SMG9: variants seen among roughly 807,000 people sequenced by gnomAD.
SMG9 encodes the protein nonsense-mediated mRNA decay factor SMG9.
A neutral mutation model predicts 64.0 loss-of-function variants in SMG9; 55 were observed. That is an observed-to-expected ratio of 0.86 (90% CI 0.69 to 1.08). The LOEUF is 1.08. Among genes scored for constraint, SMG9 ranks in the 50% least tolerant of loss-of-function variants. The probability of loss-of-function intolerance (pLI) is 0.00; values close to 1 mark genes in which losing one functional copy is unlikely to be tolerated. For missense variants in SMG9, 554 were observed against 681.3 expected (o/e 0.81, Z 2.08); for synonymous variants, 244 against 254.8 (o/e 0.96, Z 0.41).
chr19:43,731,677 G>A lies in SMG9; in HGVS notation c.1485-3C>T, dbSNP rs1158210859. 4 of 1,614,098 alleles carry A rather than the reference G, an allele frequency of 2.5e-6. No individual in the cohort carries two copies. Among genetic ancestry groups the A allele is most frequent in the Middle Eastern group, 1.6e-4 (1 of 6,084 alleles). ...AGATCCGGGCAGCGTAGTGGAACCT[G>A]TGAGGAGGCCAACAGTCAGGGCTGC... is the stretch of plus-strand genomic sequence containing the variant. On this transcript the variant is annotated splice_region_variant and splice_polypyrimidine_tract_variant and intron_variant, in intron 13 of 13. Coordinates refer to ENST00000270066, the MANE Select transcript of SMG9 (RefSeq NM_019108.4).
At position 43,737,635 on chromosome 19, in the gene SMG9, A is replaced by C; in HGVS notation, c.957T>G (p.Ile319Met). 6.2e-7 allele frequency: 1 copy of C among 1,614,056 alleles called. No individual in the cohort carries two copies. Among genetic ancestry groups the C allele is most frequent in the Non-Finnish European group, 8.5e-7 (1 of 1,179,964 alleles). The change falls in exon 9 of 14, where the codon ATT becomes ATG. Residue 319 changes from isoleucine to methionine, a missense_variant. By Grantham distance (10) the Ile-to-Met change is conservative (BLOSUM62 1). Coordinates refer to ENST00000270066, the MANE Select transcript of SMG9 (RefSeq NM_019108.4). ...GGTCTGTGAACCAGTCCTGGACAAC[A>C]ATCACCACATGGCAGACCGTGAAAA... ...AFLFTVCHVV[I>M]VVQDWFTDLS...
intron 2 of SMG9, chr19:43,748,875 C>A: frequency 2.0e-6 from 1 of 504,016 alleles, no homozygotes; most frequent in Non-Finnish European, 4.0e-6. Flanking sequence ...GAAAGTGCTT[C>A]GAAAAGAAGT....
chr19:43,733,487 T>G, intron 11 of SMG9, 35 bp from the exon 12 acceptor site: 1 of 1,613,306 alleles, frequency 6.2e-7, no homozygotes, highest in Non-Finnish European at 8.5e-7. Flanking sequence ...TCAGGTACCA[T>G]GTTGTGGGTT....
intron 6 of SMG9, among the ~76,000 whole-genome samples, chr19:43,742,524 G>T (rs949990677): frequency 1.3e-5 from 2 of 152,128 alleles, no homozygotes; most frequent in Non-Finnish European, 2.9e-5. Context: ...ATATTCTAAC[G>T]TGCCGAATAG....
In SMG9 at chr19:43,754,893, G is replaced by C. The variant is rs368538034; in HGVS notation, c.-246C>G. ...GAGGAGGAGGATGTAACGCGGGCCCGAGCTGAGATCAGTTCCCTCAGGCGA... is the reference window on the plus strand; with the variant it reads ...GAGGAGGAGGATGTAACGCGGGCCCCAGCTGAGATCAGTTCCCTCAGGCGA... On this transcript the variant is annotated 5_prime_UTR_variant, in exon 1 of 14. Transcript: ENST00000270066. 6.6e-6 allele frequency: 1 copy of C among 152,352 alleles called. No homozygotes were observed. The highest frequency in any genetic ancestry group is 1.5e-5 in the Non-Finnish European group (1 of 68,114). The allele number at this position is 152,352 out of a possible 1,614,324, so 9.4% of individuals were successfully genotyped here. A position where few individuals can be genotyped will look rare whatever the true frequency, so the allele number is the denominator to read the frequency against.
chr19:43,750,587 C>T lies in SMG9; in HGVS notation c.150+5G>A. 6.2e-7 allele frequency: 1 copy of T among 1,608,248 alleles called. No individual in the cohort carries two copies. Among genetic ancestry groups the T allele is most frequent in the South Asian group, 1.1e-5 (1 of 90,460 alleles). On this transcript the variant is annotated splice_donor_5th_base_variant and intron_variant, in intron 2 of 13. Transcript: ENST00000270066. ...TGAATGCTGCTCCTGGGTCCAGACA[C>T]TCACCCTTCTCTCTCTTTCCCATGG...
intron 9 of SMG9, 118 bp downstream of exon 9, chr19:43,737,479 A>G (rs1468016491): frequency 1.2e-6 from 1 of 850,172 alleles, no homozygotes; most frequent in African/African-American, 1.7e-5. Context: ...ATTTGCTCCA[A>G]CTTACATTTT....
intron 13 of SMG9, 48 bp from the exon 14 acceptor site, chr19:43,731,722 G>A (rs1295084992): frequency 1.2e-6 from 2 of 1,612,508 alleles, no homozygotes; most frequent in East Asian, 2.2e-5. Flanking sequence ...GCTCCCCCCA[G>A]CCCAGCACCA....
intron 7 of SMG9, 79 bp from the exon 8 acceptor site, chr19:43,738,296 GGAC>G (rs1968739928): frequency 7.8e-7 from 1 of 1,281,678 alleles, no homozygotes; most frequent in African/African-American, 1.5e-5. Context: ...GTCTATCTCA[GGAC>G]AAAACAAGGT....
In SMG9 at chr19:43,735,871, G is replaced by A. The variant is rs375768988; in HGVS notation, c.996-1376C>T. 1.2e-4 allele frequency among the ~76,000 whole-genome samples: 18 copies of A among 152,250 alleles called. No homozygotes were observed. In the East Asian group the frequency reaches 1.7e-3, roughly 15 times the overall value. ...TAAAAACAAGGCTCTGCCATGTGCC[G>A]GCCTGAGCCAATACTCCTACCAGAA... On this transcript the variant is annotated intron_variant, in intron 9 of 13. Coordinates refer to ENST00000270066, the MANE Select transcript of SMG9 (RefSeq NM_019108.4).
chr19:43,747,289 C>G (rs969713755), intron 5 of SMG9, among the ~76,000 whole-genome samples, 153 bp downstream of exon 5: 1 of 152,136 alleles, frequency 6.6e-6, no homozygotes, highest in Non-Finnish European at 1.5e-5. Flanking sequence ...AGTTGAAATT[C>G]CGCTCTGGTT....
rs758944415 is a variant in SMG9 at position 43,732,925 on chromosome 19, G to T, written c.1417C>A (p.Leu473Ile). The stretch of plus-strand genomic sequence containing the variant: ...GCCATGGACATCACTTGGCTCCGGA[G>T]CTTGCTCACCAAGGACTGGAAACTG... ...HPSFQSLVSK[L>I]RSQVMSMARP... The change falls in exon 13 of 14, where the codon CTC (leucine) becomes ATC (isoleucine). Residue 473 changes from leucine (L) to isoleucine (I), a missense_variant. By Grantham distance (5) the Leu-to-Ile change is conservative. Coordinates refer to ENST00000270066, the MANE Select transcript of SMG9 (RefSeq NM_019108.4). 1 of 1,614,070 alleles carries T rather than the reference G, an allele frequency of 6.2e-7. No homozygotes were observed.
intron 6 of SMG9, among the ~76,000 whole-genome samples, chr19:43,741,711 C>G (rs1032303089): frequency 6.6e-6 from 1 of 152,190 alleles, no homozygotes. Context: ...AGACGCATTG[C>G]CCATGCCAGT....
intron 5 of SMG9, among the ~76,000 whole-genome samples, chr19:43,746,127 G>A (rs1041983699): frequency 6.6e-6 from 1 of 151,900 alleles, no homozygotes; most frequent in East Asian, 1.9e-4. Context: ...GAGCCGAGAT[G>A]GTGCCACTGC....
At chr19:43,753,765 T>G (rs747958304) in intron 1 of SMG9, among the ~76,000 whole-genome samples, 4 of 152,092 alleles carry the variant, frequency 2.6e-5, no homozygotes, top group Non-Finnish European at 5.9e-5. Context: ...CTGGCCTCCC[T>G]GTGCCCTTTA....
At chr19:43,742,155 AAAAT>A (rs1295747248) in intron 6 of SMG9, among the ~76,000 whole-genome samples, 2 of 152,214 alleles carry the variant, frequency 1.3e-5, no homozygotes, top group Non-Finnish European at 2.9e-5. Context: ...TCAAAAATAA[AAAAT>A]AAATAAATTA....
At chr19:43,732,812 C>A (rs757587799) in intron 13 of SMG9, 46 bp downstream of exon 13, 2 of 1,611,726 alleles carry the variant, frequency 1.2e-6, no homozygotes, top group South Asian at 1.1e-5. Context: ...CTCTCTACAC[C>A]AGGGTGGGGT....
At chr19:43,733,811 C>T in intron 10 of SMG9, 78 bp from the exon 11 acceptor site, 1 of 987,430 alleles carries the variant, frequency 1.0e-6, no homozygotes, top group South Asian at 1.4e-5. Flanking sequence ...CCCCAAAGAC[C>T]TGTTGTTACC....
At chr19:43,753,458 C>CT (rs745479932) in intron 1 of SMG9, among the ~76,000 whole-genome samples, 3,441 of 118,538 alleles carry the variant, frequency 0.029, 80 homozygotes, top group East Asian at 0.057. Flanking sequence ...GAATGCTTTT[C>CT]TTTTTTTTTT....
Sources: allele counts gnomAD v4.1 joint callset (sites outside exome capture counted in the v4.1 genomes callset), GRCh38; gene constraint gnomAD v4.1.1; transcripts MANE v1.5; gene names NCBI Gene and HGNC (gene_info 2026-07-23, HGNC 2026-07-21).